Variants in PHEX observed in about 807,000 individuals in gnomAD.
PHEX encodes the protein phosphate-regulating neutral endopeptidase PHEX.
A neutral mutation model predicts 68.0 loss-of-function variants in PHEX; 16 were observed. That is an observed-to-expected ratio of 0.24 (90% CI 0.16 to 0.36). The LOEUF is 0.36. Ranked by LOEUF, PHEX falls within the 10% of genes least tolerant of loss-of-function variation. PHEX has a pLI of 1.00. For synonymous variants in PHEX, 208 were observed against 205.1 expected (o/e 1.01, Z -0.12); for missense variants, 480 against 575.5 (o/e 0.83, Z 1.70).
In PHEX at chrX:22,242,882, C is replaced by A. The variant is rs768415469; in HGVS notation, c.2071-2451C>A. On this transcript the variant is annotated intron_variant, in intron 20 of 21. Coordinates refer to ENST00000379374, the MANE Select transcript of PHEX (RefSeq NM_000444.6). ...AGGTAATCTATAGATTCAATGCCAA[C>A]CCCATCAAGCTACCAATGACTTTCT... Among the ~76,000 whole-genome samples, 14 of 111,821 alleles carry A rather than the reference C, an allele frequency of 1.3e-4. 1 individual carries two copies. The highest frequency in any genetic ancestry group is 4.6e-4 in the African/African-American group (14 of 30,740).
intron 12 of PHEX, among the ~76,000 whole-genome samples, chrX:22,137,086 G>C (rs146770358): frequency 9.0e-6 from 1 of 111,502 alleles, no homozygotes; most frequent in Non-Finnish European, 1.9e-5. Context: ...ATGATTTTAG[G>C]GGTGTCTTCT....
At chrX:22,126,362 T>A (rs1931720768) in intron 11 of PHEX, among the ~76,000 whole-genome samples, 1 of 111,946 alleles carries the variant, frequency 8.9e-6, no homozygotes, top group African/African-American at 3.2e-5. Flanking sequence ...TGTTTGGGAT[T>A]CATGGGTATG....
intron 3 of PHEX, among the ~76,000 whole-genome samples, chrX:22,063,294 G>A (rs964402720): frequency 8.9e-6 from 1 of 112,322 alleles, no homozygotes; most frequent in Non-Finnish European, 1.9e-5. Context: ...TGTTGACCAA[G>A]TCTCCAGAAT....
chrX:22,061,196 TC>T (rs992312412), intron 3 of PHEX, among the ~76,000 whole-genome samples: 2 of 111,992 alleles, frequency 1.8e-5, no homozygotes, highest in African/African-American at 6.5e-5. Flanking sequence ...GATGCGTGAA[TC>T]CCTTACCTTT....
chrX:22,120,011 G>T (rs185842718), intron 11 of PHEX, among the ~76,000 whole-genome samples: 652 of 111,727 alleles, frequency 5.8e-3, no homozygotes, highest in Middle Eastern at 0.023. Flanking sequence ...AGGGAATGAA[G>T]GGATTGTCAC....
At chrX:22,102,264 A>G (rs1930465898) in intron 9 of PHEX, among the ~76,000 whole-genome samples, 2 of 109,655 alleles carry the variant, frequency 1.8e-5, no homozygotes, top group African/African-American at 3.3e-5. Flanking sequence ...TCTATTCTCT[A>G]TCTCTATGAA....
chrX:22,034,177 T>A (rs954082816), intron 1 of PHEX, among the ~76,000 whole-genome samples: 24 of 111,991 alleles, frequency 2.1e-4, no homozygotes, highest in African/African-American at 7.8e-4. Flanking sequence ...TTGAAAACTC[T>A]TGTAAGATTT....
intron 3 of PHEX, among the ~76,000 whole-genome samples, chrX:22,068,004 T>C (rs988722032): frequency 9.1e-6 from 1 of 109,962 alleles, no homozygotes; most frequent in Non-Finnish European, 1.9e-5. Flanking sequence ...AGCTAATTTT[T>C]TTTTTGTAAT....
rs555241989 is a variant in PHEX at position 22,032,570 on chromosome X, A to G, written c.-436A>G. On this transcript the variant is annotated 5_prime_UTR_variant, in exon 1 of 22. Transcript: ENST00000379374. The stretch of plus-strand genomic sequence containing the variant: ...CCGGTGAATCCTGGCCACCTAACTT[A>G]TCATGATTTGGGGGAGTTTCACGAG... 94 of 135,110 alleles carry G rather than the reference A, an allele frequency of 7.0e-4. No individual in the cohort carries two copies. The South Asian group carries it at 0.018, about 26-fold the overall frequency. The allele number at this position is 135,110 out of a possible 1,213,427, so 11.1% of individuals were successfully genotyped here.
At chrX:22,052,331 G>A (rs535941400) in intron 3 of PHEX, among the ~76,000 whole-genome samples, 1 of 112,157 alleles carries the variant, frequency 8.9e-6, no homozygotes, top group East Asian at 2.8e-4. Flanking sequence ...GGGTTCAAGT[G>A]TTTCTCATGC....
intron 12 of PHEX, among the ~76,000 whole-genome samples, chrX:22,161,135 C>CA (rs201162046): frequency 0.11 from 11,073 of 103,200 alleles, 595 homozygotes; most frequent in East Asian, 0.25. Context: ...GGCTCCACCT[C>CA]AAAAAAAAAA....
At chrX:22,128,853 C>T in intron 11 of PHEX, among the ~76,000 whole-genome samples, 1 of 95,094 alleles carries the variant, frequency 1.1e-5, no homozygotes, top group Middle Eastern at 5.7e-3. Flanking sequence ...TTTCCAAGAC[C>T]CCCCCCAACC....
chrX:22,080,345 G>A (rs1010189112), intron 5 of PHEX, among the ~76,000 whole-genome samples: 1 of 111,497 alleles, frequency 9.0e-6, no homozygotes, highest in Non-Finnish European at 1.9e-5. Context: ...ATTTGAGTGC[G>A]GCAAACGTTT....
chrX:22,133,745 A>G (rs1932117064), intron 12 of PHEX, 121 bp downstream of exon 12: 1 of 536,332 alleles, frequency 1.9e-6, no homozygotes, highest in East Asian at 3.6e-5. Context: ...ATGACCCCAG[A>G]GTTAGCTGTC....
Position 22,221,625 on chromosome X carries a change from A to G in PHEX, c.1781A>G (p.Asp594Gly). The G allele has an allele frequency of 1.7e-6, 2 of 1,203,856 alleles. No individual in the cohort carries two copies. Among genetic ancestry groups the G allele is most frequent in the South Asian group, 1.8e-5 (1 of 56,832 alleles). ...TTCCTTTTGCTAGGTAGAAAATATG[A>G]TAAAAATGGAAACCTGGATCCTTGG... ...HGFDNNGRKY[D>G]KNGNLDPWWS... The change falls in exon 18 of 22, where the codon GAT becomes GGT. Residue 594 changes from aspartate to glycine, a missense_variant. Asp to Gly is a moderately conservative substitution (Grantham distance 94, BLOSUM62 -1). Transcript: ENST00000379374.
chrX:22,142,190 T>C (rs1932498009), intron 12 of PHEX, among the ~76,000 whole-genome samples: 1 of 111,860 alleles, frequency 8.9e-6, no homozygotes, highest in Non-Finnish European at 1.9e-5. Context: ...AGGCGGAGGT[T>C]GCAGTGAGCC....
rs188481517 is a variant in PHEX, at chrX:22,155,772, G to A, written c.1405-12540G>A. On this transcript the variant is annotated intron_variant, in intron 12 of 21. Transcript: ENST00000379374. ...TATTTCTATCTTGATGAAACTTTCC[G>A]AAAAGATTAACCTTTGTGCCTTATT... Among the ~76,000 whole-genome samples the A allele has an allele frequency of 3.3e-3, 364 of 111,268 alleles. 11 individuals carry two copies. In the East Asian group the frequency reaches 0.082, roughly 25 times the overall value.
intron 14 of PHEX, among the ~76,000 whole-genome samples, chrX:22,188,294 C>T (rs1934094262): frequency 9.0e-6 from 1 of 111,312 alleles, no homozygotes; most frequent in Middle Eastern, 4.6e-3. Context: ...ACTGGAACTT[C>T]TGGGCTCAGG....
chrX:22,190,366 C>A, intron 14 of PHEX, 78 bp from the exon 15 acceptor site: 1 of 662,487 alleles, frequency 1.5e-6, no homozygotes, highest in Non-Finnish European at 2.5e-6. Context: ...ATAAACCCAG[C>A]CATGCTGTGT....
Sources: gnomAD v4.1 joint callset for allele counts (sites outside exome capture counted in the v4.1 genomes callset) on GRCh38, gnomAD v4.1.1 for gene constraint, MANE v1.5 for transcripts, NCBI Gene and HGNC (gene_info 2026-07-23, HGNC 2026-07-21) for gene names.